The following SLC11A2 variants were observed in gnomAD, a reference collection of about 807,000 sequenced individuals.
SLC11A2 encodes the protein natural resistance-associated macrophage protein 2.
Under a neutral mutation model 68.0 loss-of-function variants are expected in SLC11A2, and 38 were observed. That is an observed-to-expected ratio of 0.56 (90% CI 0.43 to 0.73). The LOEUF (loss-of-function observed/expected upper bound fraction) is 0.73. Among genes scored for constraint, SLC11A2 ranks in the 30% least tolerant of loss-of-function variants. The pLI, the probability that SLC11A2 is intolerant of heterozygous loss-of-function variation, is 0.00. For synonymous variants in SLC11A2, 242 were observed against 250.6 expected, an observed-to-expected ratio of 0.97 and a Z score of 0.32; for missense variants, 517 against 690.5, an observed-to-expected ratio of 0.75 and a Z score of 2.82.
At chr12:50,953,855 A>G in the SLC11A2 span, 1 of 558,798 alleles carries the variant, frequency 1.8e-6, no homozygotes, top group Non-Finnish European at 3.2e-6. Flanking sequence ...AGGAAAGACA[A>G]TTGTTTCAGT....
intron 11 of SLC11A2, among the ~76,000 whole-genome samples, 154 bp downstream of exon 11, chr12:50,994,390 T>C (rs903781008): frequency 6.6e-6 from 1 of 152,178 alleles, no homozygotes; most frequent in Non-Finnish European, 1.5e-5. Flanking sequence ...CCTTCCCATT[T>C]AATCCAAAAT....
At chr12:51,003,265 C>T (rs371309027) in intron 5 of SLC11A2, among the ~76,000 whole-genome samples, 10 of 151,470 alleles carry the variant, frequency 6.6e-5, no homozygotes, top group Non-Finnish European at 1.5e-4. Flanking sequence ...AGGCTGGGCA[C>T]GGTGGCTCAT....
At chr12:50,957,201 T>G in the SLC11A2 span, among the ~76,000 whole-genome samples, 3 of 151,064 alleles carry the variant, frequency 2.0e-5, no homozygotes. Context: ...ACATAAAAAT[T>G]ACTTGCTTTT....
intron 2 of SLC11A2, chr12:51,009,030 T>C: frequency 1.2e-6 from 1 of 802,234 alleles, no homozygotes; most frequent in South Asian, 1.5e-5. Flanking sequence ...CAGCTCCTGG[T>C]AACCTAAAAT....
the SLC11A2 span, among the ~76,000 whole-genome samples, chr12:50,974,074 T>C: frequency 1.2e-4 from 18 of 152,122 alleles, no homozygotes; most frequent in African/African-American, 4.1e-4. Context: ...TGCAGGATAT[T>C]ATCCAGGAGA....
chr12:51,015,375 T>A (rs1943564959), intron 1 of SLC11A2, among the ~76,000 whole-genome samples: 1 of 150,548 alleles, frequency 6.6e-6, no homozygotes, highest in Non-Finnish European at 1.5e-5. Context: ...CTCAGGAGGC[T>A]GAGGCGGGAG....
intron 4 of SLC11A2, 103 bp from the exon 5 acceptor site, chr12:51,005,010 G>A: frequency 7.5e-7 from 1 of 1,341,606 alleles, no homozygotes. Flanking sequence ...ACTGCATTCA[G>A]AAAAGAGCCC....
chr12:50,957,622 C>G, the SLC11A2 span, among the ~76,000 whole-genome samples: 1 of 151,936 alleles, frequency 6.6e-6, no homozygotes, highest in African/African-American at 2.4e-5. Context: ...TGGTGGCTCA[C>G]GCCTATAATC....
At chr12:50,999,138 A>C in intron 8 of SLC11A2, 36 bp downstream of exon 8, 1 of 1,505,958 alleles carries the variant, frequency 6.6e-7, no homozygotes, top group Non-Finnish European at 9.2e-7. Context: ...ACAAAAACTT[A>C]TTTTAAGAAG....
At chr12:50,961,665 T>C in the SLC11A2 span, among the ~76,000 whole-genome samples, 3 of 152,226 alleles carry the variant, frequency 2.0e-5, no homozygotes, top group Non-Finnish European at 2.9e-5. Context: ...ATTCAGGTTA[T>C]ACCCAGAGCT....
At chr12:50,979,158 G>A (rs920776995), downstream of SLC11A2, among the ~76,000 whole-genome samples, 10 of 152,072 alleles carry the variant, frequency 6.6e-5, no homozygotes, top group Non-Finnish European at 1.2e-4. Flanking sequence ...ACCACAAATT[G>A]GAGAGTGATT....
At chr12:51,022,838 C>T (rs1944138667) in intron 1 of SLC11A2, among the ~76,000 whole-genome samples, 1 of 152,130 alleles carries the variant, frequency 6.6e-6, no homozygotes, top group Admixed American at 6.5e-5. Context: ...CCAAAACAAA[C>T]ACAAACCTGA....
chr12:50,993,992 CAAAAAAAA>C (rs71663850), intron 11 of SLC11A2, among the ~76,000 whole-genome samples: 22 of 48,400 alleles, frequency 4.5e-4, no homozygotes, highest in African/African-American at 1.4e-3. Flanking sequence ...ACCTTGTCTC[CAAAAAAAA>C]AAAAAAAAAA....
downstream of SLC11A2, among the ~76,000 whole-genome samples, chr12:50,985,471 A>C (rs1243879846): frequency 6.6e-6 from 1 of 152,216 alleles, no homozygotes; most frequent in African/African-American, 2.4e-5. Context: ...TTTTCCTGTC[A>C]TGTGCCTAGT....
At chr12:51,002,039 G>A (rs192843318) in intron 5 of SLC11A2, among the ~76,000 whole-genome samples, 85 of 152,226 alleles carry the variant, frequency 5.6e-4, no homozygotes, top group Non-Finnish European at 4.6e-4. Flanking sequence ...AACACCTCCA[G>A]ATAGCTAGCA....
At chr12:50,959,849 C>A in the SLC11A2 span, among the ~76,000 whole-genome samples, 1 of 151,972 alleles carries the variant, frequency 6.6e-6, no homozygotes, top group Non-Finnish European at 1.5e-5. Context: ...GGGATTTCAC[C>A]GTGTTGGCCA....
chr12:50,999,370 A>G lies in SLC11A2; in HGVS notation c.582T>C (p.Phe194=). ...GGVLITIADT[F]VFLFLDKYGL... ...CATATTTGTCCAAGAAGAGAAATAC[A>G]AAAGTATCTGCAATGGTGATGAGAA... Residue 194 remains phenylalanine (F), a synonymous_variant, in exon 7 of 16, where the codon TTT becomes TTC. Transcript: ENST00000262052. The G allele has an allele frequency of 1.9e-6, 3 of 1,614,052 alleles. No individual in the cohort carries two copies. The highest frequency in any genetic ancestry group is 2.5e-6 in the Non-Finnish European group (3 of 1,179,884).
In SLC11A2 at chr12:51,010,709, T is replaced by C. The variant is rs1449178669; in HGVS notation, c.20A>G (p.Gln7Arg). The change falls in exon 2 of 16, where the codon CAG (glutamine) becomes CGG (arginine). Residue 7 changes from glutamine to arginine, a missense_variant. By Grantham distance (43) the Gln-to-Arg change is conservative. Coordinates refer to ENST00000262052, the MANE Select transcript of SLC11A2 (RefSeq NM_000617.3). ...CGGTAAATTACCATCTGACATCTTC[T>C]GTTCAGGACCCAGCACCATGGTGGA... Reference protein sequence around the residue: MVLGPEQKMSDDSVSGD... With the variant: MVLGPERKMSDDSVSGD... The C allele has an allele frequency of 3.8e-6, 6 of 1,591,830 alleles. No homozygotes were observed. Among genetic ancestry groups the C allele is most frequent in the Non-Finnish European group, 5.2e-6 (6 of 1,159,418 alleles).
chr12:50,979,455 A>G (rs988295887), downstream of SLC11A2: 1 of 166,772 alleles, frequency 6.0e-6, no homozygotes, highest in African/African-American at 2.4e-5. Context: ...TTTCCCCAAC[A>G]CTCTCTGGTA....
Sources: gnomAD v4.1 joint callset for allele counts (sites outside exome capture counted in the v4.1 genomes callset) on GRCh38, gnomAD v4.1.1 for gene constraint, MANE v1.5 for transcripts, NCBI Gene and HGNC (gene_info 2026-07-23, HGNC 2026-07-21) for gene names.